Variants in RIMBP2 observed in about 807,000 individuals in gnomAD.
RIMBP2 encodes the protein RIMS-binding protein 2.
RIMBP2 carries 48 observed loss-of-function variants against 118.6 expected under a neutral mutation model. That is an observed-to-expected ratio of 0.40 (90% CI 0.32 to 0.51). The LOEUF (loss-of-function observed/expected upper bound fraction) is 0.51, where lower values mean the gene tolerates loss of function less well. RIMBP2 is among the 20% of genes least tolerant of loss of function. The pLI is 0.41. For synonymous variants in RIMBP2, 762 were observed against 742.9 expected (o/e 1.03, Z -0.42); for missense variants, 1,551 against 1,768.3 (o/e 0.88, Z 2.20).
intron 1 of RIMBP2, among the ~76,000 whole-genome samples, chr12:130,644,847 C>T (rs910576119): frequency 1.3e-5 from 2 of 152,238 alleles, no homozygotes; most frequent in Non-Finnish European, 2.9e-5. Flanking sequence ...TGGCTGACTT[C>T]ACATGCTGAC....
intron 4 of RIMBP2, among the ~76,000 whole-genome samples, chr12:130,486,614 G>T (rs1174847720): frequency 1.3e-5 from 2 of 151,372 alleles, no homozygotes; most frequent in African/African-American, 4.9e-5. Flanking sequence ...CTCGGCCAAG[G>T]ACACCATCAT....
chr12:130,608,817 A>C (rs79455642), intron 2 of RIMBP2, among the ~76,000 whole-genome samples: 3,034 of 152,278 alleles, frequency 0.02, 99 homozygotes, highest in African/African-American at 0.069. Context: ...CCACTCTCTT[A>C]ACATTTTTAA....
Position 130,517,003 on chromosome 12 carries a change from C to T in RIMBP2, c.-127+825G>A, listed in dbSNP as rs897432966. On this transcript the variant is annotated intron_variant, in intron 3 of 22. Coordinates refer to ENST00000690449, the MANE Select transcript of RIMBP2 (RefSeq NM_001393629.1). ...CTGGTGCTGAGATGAGTGGTTGGTGCGCTCCATGGTTTGAATGCATCCCCC... is the reference window on the plus strand; with the variant it reads ...CTGGTGCTGAGATGAGTGGTTGGTGTGCTCCATGGTTTGAATGCATCCCCC... 5.9e-5 allele frequency among the ~76,000 whole-genome samples: 9 copies of T among 152,188 alleles called. No individual in the cohort carries two copies. In the East Asian group the frequency reaches 7.7e-4, roughly 13 times the overall value.
intron 11 of RIMBP2, among the ~76,000 whole-genome samples, chr12:130,441,315 C>T (rs753025589): frequency 1.3e-5 from 2 of 151,488 alleles, no homozygotes; most frequent in Non-Finnish European, 2.9e-5. Flanking sequence ...GCAGGAGAAT[C>T]GCTTGAAATT....
chr12:130,474,978 C>T (rs2081309793), intron 5 of RIMBP2, among the ~76,000 whole-genome samples: 1 of 152,210 alleles, frequency 6.6e-6, no homozygotes, highest in Admixed American at 6.5e-5. Flanking sequence ...TGTGAATGAG[C>T]TCTTGCTCCC....
intron 1 of RIMBP2, among the ~76,000 whole-genome samples, chr12:130,646,405 C>T (rs1183176494): frequency 7.5e-6 from 1 of 133,684 alleles, no homozygotes; most frequent in Non-Finnish European, 1.7e-5. Flanking sequence ...CCACCTGCCT[C>T]TCCACCTCCC....
intron 2 of RIMBP2, among the ~76,000 whole-genome samples, chr12:130,543,855 T>C (rs1262102269): frequency 1.3e-5 from 2 of 152,204 alleles, no homozygotes; most frequent in Non-Finnish European, 1.5e-5. Flanking sequence ...TTAACAGCAA[T>C]TTAAGTCATT....
chr12:130,552,572 G>A (rs1303481595), intron 2 of RIMBP2, among the ~76,000 whole-genome samples: 1 of 152,202 alleles, frequency 6.6e-6, no homozygotes, highest in Non-Finnish European at 1.5e-5. Flanking sequence ...CTGGTGAGCA[G>A]ATCAGGAAAT....
chr12:130,418,177 C>A (rs2076211433), intron 17 of RIMBP2, among the ~76,000 whole-genome samples: 1 of 152,204 alleles, frequency 6.6e-6, no homozygotes, highest in Non-Finnish European at 1.5e-5. Flanking sequence ...TTTTAAAATG[C>A]AATGAATTGT....
chr12:130,402,060 A>C (rs1037203134), intron 21 of RIMBP2, among the ~76,000 whole-genome samples: 1 of 152,200 alleles, frequency 6.6e-6, no homozygotes, highest in African/African-American at 2.4e-5. Flanking sequence ...TTTTGGGCTG[A>C]ACACACACAG....
At chr12:130,673,380 G>A (rs115145630) in intron 1 of RIMBP2, among the ~76,000 whole-genome samples, 2,616 of 152,266 alleles carry the variant, frequency 0.017, 71 homozygotes, top group African/African-American at 0.06. Flanking sequence ...ACAAATGGTC[G>A]GTACCCCCAA....
chr12:130,557,988 G>A (rs763130939), intron 2 of RIMBP2, among the ~76,000 whole-genome samples: 1 of 152,160 alleles, frequency 6.6e-6, no homozygotes, highest in Non-Finnish European at 1.5e-5. Context: ...CCACCTCATT[G>A]TGTTGCAGAA....
At chr12:130,418,097 T>G (rs1441374586) in intron 17 of RIMBP2, among the ~76,000 whole-genome samples, 2 of 152,258 alleles carry the variant, frequency 1.3e-5, no homozygotes, top group Non-Finnish European at 2.9e-5. Context: ...CCAAACCGTT[T>G]GGCCTCTTTC....
At chr12:130,426,838 CA>C (rs995051312) in intron 15 of RIMBP2, 2 of 151,996 alleles carry the variant, frequency 1.3e-5, no homozygotes, top group Admixed American at 6.5e-5. Context: ...GGAAAGGCAT[CA>C]GGGGGCGGGG....
chr12:130,546,902 C>T (rs1453834910), intron 2 of RIMBP2, among the ~76,000 whole-genome samples: 1 of 152,180 alleles, frequency 6.6e-6, no homozygotes, highest in Non-Finnish European at 1.5e-5. Context: ...CCTGTAGTTT[C>T]ACTTGATGGA....
chr12:130,652,490 C>T (rs2063269332), intron 1 of RIMBP2, among the ~76,000 whole-genome samples: 1 of 152,098 alleles, frequency 6.6e-6, no homozygotes, highest in Admixed American at 6.6e-5. Flanking sequence ...ATCTGTTACG[C>T]TCATTTTTGT....
chr12:130,712,397 G>A (rs1272287214), intron 1 of RIMBP2, among the ~76,000 whole-genome samples: 1 of 151,082 alleles, frequency 6.6e-6, no homozygotes, highest in Non-Finnish European at 1.5e-5. Flanking sequence ...TGATTTTTTT[G>A]TTTGTTTGCT....
chr12:130,646,173 GCCTCT>G (rs1395613250), intron 1 of RIMBP2, among the ~76,000 whole-genome samples: 1 of 3,964 alleles, frequency 2.5e-4, no homozygotes, highest in South Asian at 0.023. Context: ...CTCACCACCT[GCCTCT>G]CCACCTCCCT....
intron 6 of RIMBP2, among the ~76,000 whole-genome samples, chr12:130,466,827 T>C (rs962982978): frequency 1.1e-4 from 17 of 152,206 alleles, no homozygotes; most frequent in African/African-American, 3.1e-4. Context: ...GACAAAGGTA[T>C]ATCTGATTGT....
Sources: gnomAD v4.1 joint callset for allele counts (sites outside exome capture counted in the v4.1 genomes callset) on GRCh38, gnomAD v4.1.1 for gene constraint, MANE v1.5 for transcripts, NCBI Gene and HGNC (gene_info 2026-07-23, HGNC 2026-07-21) for gene names.